Variants in IFT52 observed in about 807,000 individuals in gnomAD.
The protein encoded by IFT52 is intraflagellar transport 52.
A neutral mutation model predicts 54.4 loss-of-function variants in IFT52; 44 were observed. The observed-to-expected ratio is 0.81, with a 90% CI of 0.63 to 1.04. IFT52 has a LOEUF of 1.04. Among genes scored for constraint, IFT52 ranks in the 50% least tolerant of loss-of-function variants. IFT52 has a pLI of 0.00. For missense variants in IFT52, 452 were observed against 523.6 expected (o/e 0.86, Z 1.33); for synonymous variants, 181 against 185.3 (o/e 0.98, Z 0.19).
chr20:43,630,641 G>A (rs1298647788), intron 10 of IFT52, among the ~76,000 whole-genome samples: 2 of 152,242 alleles, frequency 1.3e-5, no homozygotes, highest in Non-Finnish European at 2.9e-5. Context: ...GGTAGAGGCA[G>A]ATGGTGTGGA....
intron 10 of IFT52, among the ~76,000 whole-genome samples, chr20:43,627,802 A>C (rs1387097359): frequency 6.6e-6 from 1 of 151,874 alleles, no homozygotes. Context: ...TCCTGGGCTC[A>C]AGCAGTCCTC....
chr20:43,604,014 C>G lies in IFT52; in HGVS notation c.337+125C>G, dbSNP rs77268396. 54,462 of 919,034 alleles carry G rather than the reference C, an allele frequency of 0.059. 2,094 individuals carry two copies. Among genetic ancestry groups the G allele is most frequent in the Non-Finnish European group, 0.075 (44,493 of 589,370 alleles). The allele number at this position is 919,034 out of a possible 1,614,324, so 56.9% of individuals were successfully genotyped here. ...GCTGTGTGTGCGTGTTTTAATGTTC[C>G]ATTCTCATCAGCAGTCTGAGCCTCC... is the stretch of plus-strand genomic sequence containing the variant. On this transcript the variant is annotated intron_variant, in intron 4 of 13. Coordinates refer to ENST00000373030, the MANE Select transcript of IFT52 (RefSeq NM_016004.5).
intron 6 of IFT52, among the ~76,000 whole-genome samples, chr20:43,610,291 CAAAA>C (rs11324612): frequency 3.3e-5 from 3 of 90,028 alleles, no homozygotes; most frequent in African/African-American, 4.6e-5. Context: ...GACACCAACG[CAAAA>C]AAAAAAAAAA....
chr20:43,627,196 G>T (rs1262183776), intron 10 of IFT52, among the ~76,000 whole-genome samples: 1 of 151,662 alleles, frequency 6.6e-6, no homozygotes, highest in Non-Finnish European at 1.5e-5. Flanking sequence ...GGAAGAAATA[G>T]AAAAGCCAAA....
At chr20:43,631,060 C>T (rs1186068719) in intron 10 of IFT52, among the ~76,000 whole-genome samples, 1 of 152,178 alleles carries the variant, frequency 6.6e-6, no homozygotes, top group African/African-American at 2.4e-5. Context: ...TTTAAAACTG[C>T]CCCTAATCAC....
In IFT52 at chr20:43,633,089, A is replaced by G. The variant is rs184432352; in HGVS notation, c.924-2837A>G. Reference sequence around the variant, plus strand: ...CGGGCTTGGTGGCTCACGCCTGTCAATCCCAGCACTTTGGGAGGCTGAGGT... The same window carrying G: ...CGGGCTTGGTGGCTCACGCCTGTCAGTCCCAGCACTTTGGGAGGCTGAGGT... On this transcript the variant is annotated intron_variant, in intron 10 of 13. Transcript: ENST00000373030. 1.3e-3 allele frequency among the ~76,000 whole-genome samples: 196 copies of G among 152,318 alleles called. 1 individual carries two copies. Among genetic ancestry groups the G allele is most frequent in the African/African-American group, 4.6e-3 (192 of 41,570 alleles).
At chr20:43,628,628 G>A (rs541255145) in intron 10 of IFT52, among the ~76,000 whole-genome samples, 16 of 152,242 alleles carry the variant, frequency 1.1e-4, no homozygotes, top group African/African-American at 3.4e-4. Context: ...CGAAGCGAGC[G>A]GATCACGAGG....
At chr20:43,594,641 G>C (rs1981786451) in intron 1 of IFT52, 52 bp from the exon 2 acceptor site, 3 of 979,994 alleles carry the variant, frequency 3.1e-6, no homozygotes, top group African/African-American at 1.6e-5. Context: ...TTACTTTTAG[G>C]GTCTTTGGAA....
intron 11 of IFT52, among the ~76,000 whole-genome samples, chr20:43,636,846 G>T (rs1444586320): frequency 3.3e-5 from 5 of 152,172 alleles, no homozygotes; most frequent in Non-Finnish European, 7.3e-5. Flanking sequence ...ATTAGAGCTG[G>T]TTCTACTTGG....
intron 10 of IFT52, among the ~76,000 whole-genome samples, chr20:43,635,192 A>T (rs2145666263): frequency 6.6e-6 from 1 of 152,118 alleles, no homozygotes; most frequent in East Asian, 1.9e-4. Context: ...AGAGAGAAAA[A>T]AAAAAAAAGG....
At chr20:43,622,478 C>T (rs1244144767) in intron 9 of IFT52, among the ~76,000 whole-genome samples, 1 of 151,654 alleles carries the variant, frequency 6.6e-6, no homozygotes, top group African/African-American at 2.4e-5. Context: ...TGGCAGGCAC[C>T]TGTAGTCCCA....
chr20:43,625,283 GGAAGAT>G (rs1201184528), intron 10 of IFT52, among the ~76,000 whole-genome samples: 1 of 152,082 alleles, frequency 6.6e-6, no homozygotes, highest in Admixed American at 6.6e-5. Context: ...GGCCAAGATG[GGAAGAT>G]CGCGAGGTCA....
intron 10 of IFT52, among the ~76,000 whole-genome samples, chr20:43,626,628 T>C (rs1362675612): frequency 6.6e-6 from 1 of 152,168 alleles, no homozygotes; most frequent in Non-Finnish European, 1.5e-5. Flanking sequence ...TTTTCTGTTT[T>C]TCAGGATGAA....
At position 43,605,026 on chromosome 20, in the gene IFT52, G is replaced by A. The variant is rs749052526; in HGVS notation, c.438G>A (p.Lys146=). The change falls in exon 6 of 14, where the codon AAG becomes AAA. Residue 146 remains lysine (K), a synonymous_variant. Transcript: ENST00000373030. ...LNREISRAAG[K]AVPGIIDEES... ...GGGAAATTAGCCGAGCTGCAGGAAA[G>A]GCTGTGCCTGGGATCATTGATGAGG... The A allele has an allele frequency of 3.1e-6, 5 of 1,613,620 alleles. No homozygotes were observed. Among genetic ancestry groups the A allele is most frequent in the East Asian group, 4.5e-5 (2 of 44,876 alleles).
At chr20:43,642,986 G>GT (rs1220193950) in intron 13 of IFT52, among the ~76,000 whole-genome samples, 1 of 151,806 alleles carries the variant, frequency 6.6e-6, no homozygotes, top group Non-Finnish European at 1.5e-5. Flanking sequence ...GACCAACATG[G>GT]TGAAACCCCC....
At chr20:43,595,240 C>T (rs574068970) in intron 2 of IFT52, among the ~76,000 whole-genome samples, 1 of 151,004 alleles carries the variant, frequency 6.6e-6, no homozygotes, top group South Asian at 2.1e-4. Flanking sequence ...TTGCTTGAAC[C>T]CGGGAGGCAG....
At chr20:43,620,688 C>T (rs1442641848) in intron 8 of IFT52, among the ~76,000 whole-genome samples, 169 bp from the exon 9 acceptor site, 1 of 152,048 alleles carries the variant, frequency 6.6e-6, no homozygotes, top group East Asian at 1.9e-4. Flanking sequence ...TGAAGAAAAC[C>T]TTTGAGTTCT....
rs189275718 is a variant in IFT52 at position 43,604,642 on chromosome 20, G to A, written c.414-360G>A. ...ATTTCTTCTACATAAATCTTCCCTC[G>A]TCTCTTCTCATACATTCTTTTCACT... is the stretch of plus-strand genomic sequence containing the variant. On this transcript the variant is annotated intron_variant, in intron 5 of 13. Transcript: ENST00000373030. Among the ~76,000 whole-genome samples the A allele has an allele frequency of 1.2e-3, 187 of 150,902 alleles. 1 individual carries two copies. Among genetic ancestry groups the A allele is most frequent in the African/African-American group, 4.4e-3 (183 of 41,226 alleles).
At chr20:43,604,645 T>C (rs1475472065) in intron 5 of IFT52, among the ~76,000 whole-genome samples, 2 of 152,156 alleles carry the variant, frequency 1.3e-5, no homozygotes, top group Non-Finnish European at 2.9e-5. Context: ...TTCCCTCGTC[T>C]CTTCTCATAC....
Sources: gnomAD v4.1 joint callset for allele counts (sites outside exome capture counted in the v4.1 genomes callset) on GRCh38, gnomAD v4.1.1 for gene constraint, MANE v1.5 for transcripts, NCBI Gene and HGNC (gene_info 2026-07-23, HGNC 2026-07-21) for gene names.